The following TNFRSF8 variants were observed in gnomAD, a reference collection of about 807,000 sequenced individuals.
TNFRSF8 encodes the protein tumor necrosis factor receptor superfamily member 8.
TNFRSF8 carries 26 observed loss-of-function variants against 70.8 expected under a neutral mutation model. The ratio of observed to expected loss-of-function variants is 0.37; its 90% confidence interval spans 0.27 to 0.51. The LOEUF (loss-of-function observed/expected upper bound fraction) is 0.51. TNFRSF8 is among the 20% of genes least tolerant of loss of function. The pLI is 0.94. For synonymous variants in TNFRSF8, 356 were observed against 339.2 expected, an observed-to-expected ratio of 1.05 and a Z score of -0.54; for missense variants, 720 against 807.9, an observed-to-expected ratio of 0.89 and a Z score of 1.32.
chr1:12,105,939 CAAAAAAAAAAAAAAAAAA>C (rs748432437), intron 4 of TNFRSF8, among the ~76,000 whole-genome samples: 1 of 64,922 alleles, frequency 1.5e-5, no homozygotes, highest in African/African-American at 5.3e-5. Flanking sequence ...GACTCCGTCT[CAAAAAAAAAAAAAAAAAA>C]AGAAAACTCC....
At position 12,110,237 on chromosome 1, in the gene TNFRSF8, C is replaced by A; in HGVS notation, c.676+33C>A. 6.5e-7 allele frequency: 1 copy of A among 1,540,418 alleles called. No individual in the cohort carries two copies. The highest frequency in any genetic ancestry group is 8.8e-7 in the Non-Finnish European group (1 of 1,142,324). On this transcript the variant is annotated intron_variant, in intron 6 of 14. Coordinates refer to ENST00000263932, the MANE Select transcript of TNFRSF8 (RefSeq NM_001243.5). The surrounding 1 kb of genome is among the most constrained non-coding windows in gnomAD (Gnocchi z 4.0). ...CCCCATGAAGCTGTGGGTCGTCTCC[C>A]TGGGGTGCTCGATTGGTGGATGGCC...
chr1:12,134,264 G>T (rs1642105648), intron 12 of TNFRSF8, among the ~76,000 whole-genome samples: 2 of 152,174 alleles, frequency 1.3e-5, no homozygotes, highest in Non-Finnish European at 2.9e-5. Flanking sequence ...TGGCAGATTT[G>T]TCTAGCCAGG....
chr1:12,087,588 G>C (rs1372942791), intron 2 of TNFRSF8, among the ~76,000 whole-genome samples: 2 of 152,162 alleles, frequency 1.3e-5, no homozygotes, highest in East Asian at 3.9e-4. Flanking sequence ...CTGATGGTTG[G>C]TGGTGGTTCC....
In TNFRSF8 at chr1:12,138,532, G is replaced by A; in HGVS notation, c.1543+96G>A. ...CCCTGGAAGGGACCTGGAGACCCTG[G>A]AGTTGAAAGGCCCAGGAAAGGAGAG... On this transcript the variant is annotated intron_variant, in intron 14 of 14. Coordinates refer to ENST00000263932, the MANE Select transcript of TNFRSF8 (RefSeq NM_001243.5). This position sits in a 1 kb window ranked among gnomAD's most constrained non-coding sequence, Gnocchi z 5.7. The A allele has an allele frequency of 8.1e-7, 1 of 1,234,110 alleles. No homozygotes were observed. Among genetic ancestry groups the A allele is most frequent in the Non-Finnish European group, 1.1e-6 (1 of 899,298 alleles). 76.4% of individuals were successfully genotyped at this position (1,234,110 alleles called of 1,614,324 possible).
chr1:12,115,420 A>G (rs972117098), intron 7 of TNFRSF8, among the ~76,000 whole-genome samples, 157 bp from the exon 8 acceptor site: 1 of 152,194 alleles, frequency 6.6e-6, no homozygotes, highest in Non-Finnish European at 1.5e-5. Context: ...TATTTTGAGC[A>G]TGCTGGGAGA....
intron 4 of TNFRSF8, among the ~76,000 whole-genome samples, chr1:12,107,857 T>A (rs1641553526): frequency 6.6e-6 from 1 of 152,106 alleles, no homozygotes; most frequent in African/African-American, 2.4e-5. Context: ...CTCCTGAAAT[T>A]CTCACGTCTC....
intron 12 of TNFRSF8, among the ~76,000 whole-genome samples, chr1:12,129,776 A>G (rs1421612310): frequency 6.6e-6 from 1 of 152,116 alleles, no homozygotes; most frequent in Non-Finnish European, 1.5e-5. Flanking sequence ...CGCTCGACGG[A>G]GGTGATGTCC....
chr1:12,073,543 C>T lies in TNFRSF8; in HGVS notation c.63+9882C>T, dbSNP rs896685459. On this transcript the variant is annotated intron_variant, in intron 1 of 14. Transcript: ENST00000263932. ...TTCTTTCTCCCTTTCCGTTCCTTTC[C>T]CTTTCGTTTTCCCTTTCCCTTTCCT... 5.3e-5 allele frequency among the ~76,000 whole-genome samples: 8 copies of T among 150,556 alleles called. No individual in the cohort carries two copies. The Admixed American group carries it at 5.3e-4, about 10-fold the overall frequency.
intron 8 of TNFRSF8, among the ~76,000 whole-genome samples, chr1:12,116,876 C>G (rs1419317590): frequency 6.6e-6 from 1 of 152,004 alleles, no homozygotes; most frequent in Non-Finnish European, 1.5e-5. Context: ...TGAGGGGTGA[C>G]TTGCTTCTAG....
chr1:12,092,509 CTTTT>C (rs60030428), intron 2 of TNFRSF8, among the ~76,000 whole-genome samples: 2 of 130,066 alleles, frequency 1.5e-5, no homozygotes, highest in African/African-American at 2.9e-5. Context: ...TTTTTCTTGT[CTTTT>C]TTTTTTTTTT....
Position 12,066,720 on chromosome 1 carries a change from T to G in TNFRSF8, c.63+3059T>G, listed in dbSNP as rs184862141. Among the ~76,000 whole-genome samples, 548 of 152,070 alleles carry G rather than the reference T, an allele frequency of 3.6e-3. 3 individuals carry two copies. Among genetic ancestry groups the G allele is most frequent in the African/African-American group, 0.012 (516 of 41,452 alleles). On this transcript the variant is annotated intron_variant, in intron 1 of 14. Transcript: ENST00000263932. ...CAGGCTGGAGTGCAGTGGCGCAATC[T>G]CAGCTCACTGCAACCTCTGCCTCCT...
chr1:12,142,539 G>T lies in TNFRSF8; in HGVS notation c.*8G>T. The T allele has an allele frequency of 6.4e-7, 1 of 1,558,898 alleles. No homozygotes were observed. Among genetic ancestry groups the T allele is most frequent in the South Asian group, 1.2e-5 (1 of 84,844 alleles). The stretch of plus-strand genomic sequence containing the variant: ...GCTGCCTCTGGAAAGTGAGGCCTGG[G>T]CTGGGCTGGGGCTAGGAGGGCAGCA... On this transcript the variant is annotated 3_prime_UTR_variant, in exon 15 of 15. Transcript: ENST00000263932. This position sits in a 1 kb window ranked among gnomAD's most constrained non-coding sequence, Gnocchi z 5.0.
In TNFRSF8 at chr1:12,108,507, G is replaced by T. The variant is rs891034283; in HGVS notation, c.422-1059G>T. On this transcript the variant is annotated intron_variant, in intron 4 of 14. Coordinates refer to ENST00000263932, the MANE Select transcript of TNFRSF8 (RefSeq NM_001243.5). This position sits in a 1 kb window ranked among gnomAD's most constrained non-coding sequence, Gnocchi z 4.0. ...TTCTGTTTATCCTGACGACAGCCTG[G>T]TGAAGAGTGTATGATTATAGTCATT... is the stretch of plus-strand genomic sequence containing the variant. Among the ~76,000 whole-genome samples the T allele has an allele frequency of 6.6e-6, 1 of 152,176 alleles. No individual in the cohort carries two copies. The highest frequency in any genetic ancestry group is 1.5e-5 in the Non-Finnish European group (1 of 68,026).
chr1:12,084,346 T>A (rs1641115872), intron 1 of TNFRSF8, 118 bp from the exon 2 acceptor site: 1 of 895,866 alleles, frequency 1.1e-6, no homozygotes, highest in African/African-American at 1.6e-5. Context: ...GGAGTTCTCG[T>A]CCTGATTTCT....
chr1:12,121,162 T>G (rs1430849534), intron 8 of TNFRSF8, among the ~76,000 whole-genome samples: 2 of 152,212 alleles, frequency 1.3e-5, no homozygotes, highest in South Asian at 2.1e-4. Context: ...TTAACGAGCA[T>G]GTAGGAACCA....
At chr1:12,140,882 C>T (rs994826359) in intron 14 of TNFRSF8, among the ~76,000 whole-genome samples, 20 of 152,098 alleles carry the variant, frequency 1.3e-4, no homozygotes, top group African/African-American at 4.3e-4. Flanking sequence ...CTGGGGTCTC[C>T]TCTCTCACCA....
Position 12,080,261 on chromosome 1 carries a change from GT to G in TNFRSF8, c.64-4199del, listed in dbSNP as rs916666786. The G allele has an allele frequency of 5.8e-6, 3 of 519,458 alleles. No individual in the cohort carries two copies. The African/African-American group carries it at 5.8e-5, about 10-fold the overall frequency. 32.2% of individuals were successfully genotyped at this position (519,458 alleles called of 1,614,324 possible). ...ACCGTGCCCAGCCAAGATGATCCCA[GT>G]TTTGTTGGCAACATCCAAAGCATTG... On this transcript the variant is annotated intron_variant, in intron 1 of 14. Transcript: ENST00000263932.
At chr1:12,123,470 G>T in intron 9 of TNFRSF8, 93 bp downstream of exon 9, 1 of 1,221,866 alleles carries the variant, frequency 8.2e-7, no homozygotes, top group East Asian at 2.5e-5. Context: ...GCTGGGCTGG[G>T]GGTGGAGGTG....
intron 13 of TNFRSF8, among the ~76,000 whole-genome samples, chr1:12,137,563 T>G (rs1642170503): frequency 6.7e-6 from 1 of 149,120 alleles, no homozygotes; most frequent in South Asian, 2.1e-4. Context: ...TTTTTGTTTT[T>G]TTTTTGTTTT....
Sources: allele counts gnomAD v4.1 joint callset (sites outside exome capture counted in the v4.1 genomes callset), GRCh38; gene constraint gnomAD v4.1.1; non-coding constraint Gnocchi (gnomAD v3.1); transcripts MANE v1.5; gene names NCBI Gene and HGNC (gene_info 2026-07-23, HGNC 2026-07-21).